SNX29: variants seen among roughly 807,000 people sequenced by gnomAD.
SNX29 encodes the protein sorting nexin 29.
SNX29 carries 78 observed loss-of-function variants against 102.1 expected under a neutral mutation model. The observed-to-expected ratio is 0.76, with a 90% confidence interval of 0.64 to 0.92. The LOEUF (loss-of-function observed/expected upper bound fraction) is 0.92. Among genes scored for constraint, SNX29 ranks in the 40% least tolerant of loss-of-function variants. The pLI, the probability that SNX29 is intolerant of heterozygous loss-of-function variation, is 0.00. For missense variants in SNX29, 1,280 were observed against 1,061.7 expected (o/e 1.21, Z -2.86); for synonymous variants, 580 against 414.5 (o/e 1.40, Z -4.85).
intron 20 of SNX29, among the ~76,000 whole-genome samples, chr16:12,567,740 G>T (rs990281621): frequency 6.6e-6 from 1 of 152,066 alleles, no homozygotes; most frequent in African/African-American, 2.4e-5. Context: ...GTAAAACCTG[G>T]GCAAGAGTCG....
At chr16:12,228,023 C>G (rs543055285) in intron 14 of SNX29, among the ~76,000 whole-genome samples, 20 of 149,658 alleles carry the variant, frequency 1.3e-4, no homozygotes, top group African/African-American at 4.6e-4. Context: ...CGCCTGTAAT[C>G]TCAGCACTTC....
chr16:12,116,113 A>C (rs2053688896), intron 11 of SNX29, among the ~76,000 whole-genome samples: 1 of 152,156 alleles, frequency 6.6e-6, no homozygotes. Context: ...GATTTTGAAA[A>C]ACTCTCTCTC....
chr16:12,102,655 C>G (rs367852587), intron 11 of SNX29, among the ~76,000 whole-genome samples: 1 of 152,150 alleles, frequency 6.6e-6, no homozygotes, highest in South Asian at 2.1e-4. Context: ...CGGCACAAGA[C>G]AAGGATGCCC....
At chr16:12,239,639 C>CAAAAAAAAAAAA (rs61024203) in intron 14 of SNX29, among the ~76,000 whole-genome samples, 1 of 62,568 alleles carries the variant, frequency 1.6e-5, no homozygotes, top group African/African-American at 6.3e-5. Context: ...CCTGTTTCTA[C>CAAAAAAAAAAAA]AAAAAAAAAA....
intron 3 of SNX29, among the ~76,000 whole-genome samples, chr16:12,024,969 G>A (rs1230089026): frequency 6.6e-6 from 1 of 152,090 alleles, no homozygotes; most frequent in Non-Finnish European, 1.5e-5. Context: ...TATTTAGAGA[G>A]TTTTGGTGGA....
chr16:12,477,625 G>A, intron 18 of SNX29, 94 bp from the exon 19 acceptor site: 1 of 1,442,358 alleles, frequency 6.9e-7, no homozygotes, highest in Non-Finnish European at 9.5e-7. Context: ...TGTGACTCTT[G>A]CTGCAGTTGG....
At chr16:12,527,078 T>C (rs965507258) in intron 20 of SNX29, 1 of 439,480 alleles carries the variant, frequency 2.3e-6, no homozygotes, top group Non-Finnish European at 4.4e-6. Context: ...TAGACCCCAG[T>C]TGAAATTAAA....
At chr16:12,153,071 C>G (rs1484001867) in intron 13 of SNX29, among the ~76,000 whole-genome samples, 1 of 152,174 alleles carries the variant, frequency 6.6e-6, no homozygotes, top group Non-Finnish European at 1.5e-5. Flanking sequence ...CTTTTGTGCC[C>G]CAGCCTTGGC....
chr16:12,517,466 A>T (rs116440756), intron 19 of SNX29, among the ~76,000 whole-genome samples: 93 of 152,308 alleles, frequency 6.1e-4, no homozygotes, highest in African/African-American at 2.1e-3. Flanking sequence ...CTTCCAGGCC[A>T]GTCTGTCCAC....
intron 18 of SNX29, among the ~76,000 whole-genome samples, chr16:12,463,082 C>G (rs556043349): frequency 3.3e-4 from 50 of 152,234 alleles, no homozygotes; most frequent in Non-Finnish European, 5.9e-4. Context: ...GCCCCTGCTG[C>G]TGCTGCCCAT....
chr16:11,983,781 C>A (rs779105385), intron 1 of SNX29: 74 of 860,358 alleles, frequency 8.6e-5, no homozygotes, highest in Non-Finnish European at 1.0e-4. Flanking sequence ...TTATAGATTT[C>A]TCCAAATTGT....
At chr16:12,242,685 A>C (rs1462894850) in intron 14 of SNX29, among the ~76,000 whole-genome samples, 1 of 141,298 alleles carries the variant, frequency 7.1e-6, no homozygotes, top group Non-Finnish European at 1.5e-5. Context: ...GCAGGGTCTT[A>C]CTGTGTCACC....
chr16:12,314,049 A>C (rs1166164070), intron 15 of SNX29, among the ~76,000 whole-genome samples: 2 of 152,200 alleles, frequency 1.3e-5, no homozygotes, highest in Non-Finnish European at 2.9e-5. Flanking sequence ...ATAGTCGTGC[A>C]CTCACAGCTC....
chr16:12,145,809 A>T (rs2055043869), intron 13 of SNX29, among the ~76,000 whole-genome samples: 1 of 152,172 alleles, frequency 6.6e-6, no homozygotes, highest in Non-Finnish European at 1.5e-5. Flanking sequence ...CTGTGTTTGG[A>T]TATGTCCTTG....
At chr16:12,455,480 C>T (rs1460077917) in intron 18 of SNX29, among the ~76,000 whole-genome samples, 1 of 152,208 alleles carries the variant, frequency 6.6e-6, no homozygotes, top group East Asian at 1.9e-4. Context: ...CTCCCAGAGC[C>T]CTGGCCAAGG....
At chr16:12,284,117 GCAGTTGTCTT>G (rs1414496745) in intron 15 of SNX29, among the ~76,000 whole-genome samples, 2 of 152,156 alleles carry the variant, frequency 1.3e-5, no homozygotes, top group Non-Finnish European at 1.5e-5. Flanking sequence ...TTCTTTTTCA[GCAGTTGTCTT>G]CACAACAATG....
intron 3 of SNX29, 108 bp from the exon 4 acceptor site, chr16:12,027,212 C>A: frequency 7.1e-7 from 1 of 1,404,062 alleles, no homozygotes. Context: ...TCTGCCTTCA[C>A]GCTGAGGTTT....
At position 12,572,900 on chromosome 16, in the gene SNX29, G is replaced by A. The variant is rs147042065; in HGVS notation, c.*4271G>A. Reference sequence around the variant, plus strand: ...TTGACTCTGCCTTGGCATTTCGCTCGGAATCACGGCAGACTTGGAGTGTTT... The same window carrying A: ...TTGACTCTGCCTTGGCATTTCGCTCAGAATCACGGCAGACTTGGAGTGTTT... On this transcript the variant is annotated 3_prime_UTR_variant, in exon 21 of 21. Coordinates refer to ENST00000566228, the MANE Select transcript of SNX29 (RefSeq NM_032167.5). The A allele has an allele frequency of 6.0e-4, 617 of 1,027,616 alleles. 5 individuals are homozygous for A. The African/African-American group carries it at 9.1e-3, about 15-fold the overall frequency. The allele number at this position is 1,027,616 out of a possible 1,614,324, so 63.7% of individuals were successfully genotyped here. A position where few individuals can be genotyped will look rare whatever the true frequency, so the allele number is the denominator to read the frequency against.
chr16:12,131,619 C>T (rs1209659147), intron 13 of SNX29, among the ~76,000 whole-genome samples: 2 of 152,028 alleles, frequency 1.3e-5, no homozygotes, highest in Admixed American at 6.5e-5. Flanking sequence ...AGGTTGTTTC[C>T]AGTTTGTCCT....
Sources: allele counts gnomAD v4.1 joint callset (sites outside exome capture counted in the v4.1 genomes callset), GRCh38; gene constraint gnomAD v4.1.1; transcripts MANE v1.5; gene names NCBI Gene and HGNC (gene_info 2026-07-23, HGNC 2026-07-21).